NTN1: variants seen among roughly 807,000 people sequenced by gnomAD.
The protein encoded by NTN1 is netrin 1.
NTN1 carries 11 observed loss-of-function variants against 54.2 expected under a neutral mutation model. The ratio of observed to expected loss-of-function variants is 0.20; its 90% confidence interval spans 0.13 to 0.34. The LOEUF (loss-of-function observed/expected upper bound fraction) is 0.34. Among genes scored for constraint, NTN1 ranks in the 10% least tolerant of loss-of-function variants. The pLI is 1.00. For synonymous variants in NTN1, 371 were observed against 382.0 expected (o/e 0.97, Z 0.33); for missense variants, 740 against 893.1 (o/e 0.83, Z 2.18).
chr17:9,178,874 C>T (rs1210533589), intron 3 of NTN1: 3 of 152,282 alleles, frequency 2.0e-5, no homozygotes, highest in Admixed American at 1.3e-4. Context: ...TGTTCTTGCC[C>T]TGAGCATCTG....
At chr17:9,133,944 T>G (rs866955062) in intron 2 of NTN1, among the ~76,000 whole-genome samples, 7 of 119,570 alleles carry the variant, frequency 5.9e-5, no homozygotes, top group African/African-American at 1.6e-4. Flanking sequence ...TCACTCTGTC[T>G]CCCGGGCTGA....
At chr17:9,026,271 A>T (rs574191470) in intron 2 of NTN1, among the ~76,000 whole-genome samples, 26 of 151,728 alleles carry the variant, frequency 1.7e-4, no homozygotes, top group Non-Finnish European at 1.0e-4. Context: ...CACATATCCT[A>T]TATGTTTTCT....
At chr17:9,150,094 T>C (rs2092323100) in intron 2 of NTN1, among the ~76,000 whole-genome samples, 1 of 151,848 alleles carries the variant, frequency 6.6e-6, no homozygotes, top group South Asian at 2.1e-4. Context: ...CCTCAGCTAC[T>C]TGGGAGGCTG....
intron 2 of NTN1, among the ~76,000 whole-genome samples, chr17:9,104,088 CAAAAAAAAAAAAA>C (rs55732200): frequency 1.4e-5 from 1 of 70,838 alleles, no homozygotes; most frequent in Non-Finnish European, 2.5e-5. Flanking sequence ...GACTCCATCT[CAAAAAAAAAAAAA>C]AAAAAAAAAA....
chr17:9,054,702 C>T (rs560462510), intron 2 of NTN1, among the ~76,000 whole-genome samples: 2 of 151,378 alleles, frequency 1.3e-5, no homozygotes, highest in East Asian at 2.0e-4. Context: ...AGGGAGATTA[C>T]GCCAAGTGGC....
intron 2 of NTN1, among the ~76,000 whole-genome samples, chr17:9,084,432 A>G (rs963530766): frequency 3.9e-5 from 6 of 152,278 alleles, no homozygotes; most frequent in African/African-American, 1.4e-4. Flanking sequence ...CAGTGTAGAA[A>G]CAGCCACTAG....
At chr17:9,200,205 C>T (rs564770353) in intron 5 of NTN1, among the ~76,000 whole-genome samples, 18 of 152,338 alleles carry the variant, frequency 1.2e-4, no homozygotes, top group African/African-American at 2.6e-4. Flanking sequence ...TGTTGGCTCT[C>T]GCTGGAGAAG....
Position 9,212,956 on chromosome 17 carries a change from G to A in NTN1, c.1412-8212G>A, listed in dbSNP as rs748509183. On this transcript the variant is annotated intron_variant, in intron 5 of 6. Transcript: ENST00000173229. This position sits in a 1 kb window ranked among gnomAD's most constrained non-coding sequence, Gnocchi z 5.5. ...TGAGCCTCGATCCGGCGAGCAGGCCGGCTCAGCAGGATTTTGGCACCTGGG... is the reference window on the plus strand; with the variant it reads ...TGAGCCTCGATCCGGCGAGCAGGCCAGCTCAGCAGGATTTTGGCACCTGGG... Among the ~76,000 whole-genome samples the A allele has an allele frequency of 1.4e-4, 21 of 152,198 alleles. No homozygotes were observed. Among genetic ancestry groups the A allele is most frequent in the African/African-American group, 3.4e-4 (14 of 41,460 alleles).
chr17:9,163,512 A>G (rs1275938561), intron 3 of NTN1, among the ~76,000 whole-genome samples: 1 of 84,896 alleles, frequency 1.2e-5, no homozygotes, highest in African/African-American at 4.1e-5. Flanking sequence ...ACACACACAC[A>G]CACACACACG....
At chr17:9,044,477 C>A (rs2091934669) in intron 2 of NTN1, among the ~76,000 whole-genome samples, 1 of 152,006 alleles carries the variant, frequency 6.6e-6, no homozygotes. Context: ...TCAGGTGATC[C>A]CACCTGCCTC....
chr17:9,056,323 T>C (rs1418931203), intron 2 of NTN1, among the ~76,000 whole-genome samples: 2 of 152,118 alleles, frequency 1.3e-5, no homozygotes, highest in Non-Finnish European at 2.9e-5. Context: ...TCCCAAAGTG[T>C]TGGGATTACT....
intron 2 of NTN1, among the ~76,000 whole-genome samples, chr17:9,155,467 G>A (rs931261288): frequency 6.6e-6 from 1 of 151,668 alleles, no homozygotes; most frequent in Non-Finnish European, 1.5e-5. Context: ...TCATCCTCCC[G>A]AGTAGCTGGG....
At position 9,204,969 on chromosome 17, in the gene NTN1, C is replaced by T. The variant is rs187024064; in HGVS notation, c.1412-16199C>T. 5.8e-4 allele frequency among the ~76,000 whole-genome samples: 88 copies of T among 151,654 alleles called. 1 individual carries two copies. The highest frequency in any genetic ancestry group is 2.1e-3 in the African/African-American group (85 of 41,260). The stretch of plus-strand genomic sequence containing the variant: ...GAAGATATGTTGCTCATTATCAGGC[C>T]TTTCAAAATAGGAACTCCAGGTTTC... On this transcript the variant is annotated intron_variant, in intron 5 of 6. Transcript: ENST00000173229.
chr17:9,044,105 A>T (rs2091932805), intron 2 of NTN1, among the ~76,000 whole-genome samples: 1 of 151,834 alleles, frequency 6.6e-6, no homozygotes, highest in Non-Finnish European at 1.5e-5. Flanking sequence ...TTTTACAATG[A>T]CTGTGTCATT....
intron 2 of NTN1, among the ~76,000 whole-genome samples, chr17:9,032,880 C>T (rs931054214): frequency 5.3e-5 from 8 of 151,794 alleles, no homozygotes; most frequent in South Asian, 2.1e-4. Flanking sequence ...AGAGAATTCA[C>T]GGTGAGAAAG....
At position 9,074,333 on chromosome 17, in the gene NTN1, A is replaced by G. The variant is rs1449880616; in HGVS notation, c.1018+50942A>G. Reference sequence around the variant, plus strand: ...GACTCATTCTCATCAAGGGTCACTGAGCGTCTCTCTGCGCGTGGCCTTGGG... The same window carrying G: ...GACTCATTCTCATCAAGGGTCACTGGGCGTCTCTCTGCGCGTGGCCTTGGG... On this transcript the variant is annotated intron_variant, in intron 2 of 6. Coordinates refer to ENST00000173229, the MANE Select transcript of NTN1 (RefSeq NM_004822.3). 2.6e-4 allele frequency among the ~76,000 whole-genome samples: 40 copies of G among 152,200 alleles called. 1 individual carries two copies. The highest frequency in any genetic ancestry group is 2.5e-3 in the Admixed American group (38 of 15,278).
intron 6 of NTN1, among the ~76,000 whole-genome samples, chr17:9,227,766 T>C (rs1378302382): frequency 6.7e-6 from 1 of 150,236 alleles, no homozygotes; most frequent in Non-Finnish European, 1.5e-5. Flanking sequence ...ACATTTATCA[T>C]ACAGGCACAC....
the NTN1 span, among the ~76,000 whole-genome samples, chr17:9,011,189 C>T: frequency 6.6e-6 from 1 of 152,188 alleles, no homozygotes; most frequent in South Asian, 2.1e-4. Context: ...CGAAGCTTAG[C>T]TGCCTTGCCC....
chr17:9,215,379 G>A (rs937671880), intron 5 of NTN1, among the ~76,000 whole-genome samples: 5 of 151,800 alleles, frequency 3.3e-5, no homozygotes, highest in African/African-American at 1.2e-4. Flanking sequence ...TTATGTTTAA[G>A]AACCAAATTT....
Sources: gnomAD v4.1 joint callset for allele counts (sites outside exome capture counted in the v4.1 genomes callset) on GRCh38, gnomAD v4.1.1 for gene constraint, Gnocchi (gnomAD v3.1) non-coding constraint, MANE v1.5 for transcripts, NCBI Gene and HGNC (gene_info 2026-07-23, HGNC 2026-07-21) for gene names.